MSI2: variants seen among roughly 807,000 people sequenced by gnomAD.
The protein encoded by MSI2 is musashi RNA binding protein 2.
A neutral mutation model predicts 45.6 loss-of-function variants in MSI2; 17 were observed. The observed-to-expected ratio is 0.37, with a 90% CI of 0.26 to 0.56. MSI2 has a LOEUF of 0.56. MSI2 is among the 20% of genes least tolerant of loss of function. The pLI is 0.77. For synonymous variants in MSI2, 156 were observed against 158.2 expected (o/e 0.99, Z 0.11); for missense variants, 293 against 444.2 (o/e 0.66, Z 3.06).
chr17:57,553,651 C>A (rs1465814141), intron 7 of MSI2, among the ~76,000 whole-genome samples: 1 of 152,194 alleles, frequency 6.6e-6, no homozygotes, highest in African/African-American at 2.4e-5. Context: ...TCCTTCGATT[C>A]TCATCGCGGA....
chr17:57,688,955 C>T (rs1452460490), downstream of MSI2, among the ~76,000 whole-genome samples: 1 of 152,218 alleles, frequency 6.6e-6, no homozygotes, highest in Non-Finnish European at 1.5e-5. Context: ...CTGGGATCCA[C>T]ATTCCAGTAA....
chr17:57,415,770 C>T (rs9904910), intron 6 of MSI2, among the ~76,000 whole-genome samples: 6,262 of 152,098 alleles, frequency 0.041, 418 homozygotes, highest in African/African-American at 0.14. Context: ...GCCAAATGGA[C>T]GGTTTTTGGA....
At chr17:57,593,013 G>A (rs1270918059) in intron 7 of MSI2, among the ~76,000 whole-genome samples, 2 of 152,218 alleles carry the variant, frequency 1.3e-5, no homozygotes, top group Admixed American at 1.3e-4. Context: ...CTAGGATCAA[G>A]TGTGGATCTT....
intron 5 of MSI2, among the ~76,000 whole-genome samples, 175 bp from the exon 6 acceptor site, chr17:57,401,204 G>A (rs1567802461): frequency 6.6e-6 from 1 of 152,180 alleles, no homozygotes; most frequent in South Asian, 2.1e-4. Context: ...CCTGAGATAT[G>A]CAGAGTGACT....
chr17:57,293,590 T>G (rs1910635627), intron 5 of MSI2, among the ~76,000 whole-genome samples: 1 of 58,038 alleles, frequency 1.7e-5, no homozygotes, highest in Non-Finnish European at 4.2e-5. Context: ...CTTTATTGTT[T>G]TTTTGTTTTT....
At chr17:57,527,683 G>A (rs2086733544) in intron 6 of MSI2, among the ~76,000 whole-genome samples, 3 of 152,216 alleles carry the variant, frequency 2.0e-5, no homozygotes, top group Admixed American at 2.0e-4. Context: ...TGTTTGTTCA[G>A]GCTTGGTTGC....
intron 7 of MSI2, among the ~76,000 whole-genome samples, chr17:57,566,156 C>G (rs2087726640): frequency 6.6e-6 from 1 of 152,112 alleles, no homozygotes; most frequent in African/African-American, 2.4e-5. Flanking sequence ...CCTTCAGACC[C>G]AGAGCTTGTG....
At chr17:57,350,033 G>A (rs1217938052) in intron 5 of MSI2, among the ~76,000 whole-genome samples, 1 of 152,188 alleles carries the variant, frequency 6.6e-6, no homozygotes, top group African/African-American at 2.4e-5. Flanking sequence ...GTCATCTGAT[G>A]GGTTCTTGCT....
intron 6 of MSI2, among the ~76,000 whole-genome samples, chr17:57,415,232 C>T (rs1235036028): frequency 6.6e-6 from 1 of 152,128 alleles, no homozygotes; most frequent in African/African-American, 2.4e-5. Context: ...AAAATGGGTC[C>T]AACAACATTA....
chr17:57,687,042 C>T (rs1913899230), downstream of MSI2, among the ~76,000 whole-genome samples: 1 of 147,960 alleles, frequency 6.8e-6, no homozygotes, highest in East Asian at 2.0e-4. Context: ...AAATAATTAA[C>T]ATGTGGCTAT....
chr17:57,361,388 C>T (rs1310514817), intron 5 of MSI2, among the ~76,000 whole-genome samples: 2 of 151,770 alleles, frequency 1.3e-5, no homozygotes, highest in Non-Finnish European at 2.9e-5. Context: ...ATGGACTGAG[C>T]TCAGAAGTTC....
chr17:57,402,176 T>C (rs539289259), intron 6 of MSI2, among the ~76,000 whole-genome samples: 24 of 152,056 alleles, frequency 1.6e-4, no homozygotes, highest in Non-Finnish European at 2.8e-4. Context: ...TTCTAGTGGG[T>C]GAAGGGAGAT....
intron 6 of MSI2, among the ~76,000 whole-genome samples, chr17:57,507,245 G>A (rs918156664): frequency 1.5e-4 from 22 of 147,158 alleles, no homozygotes; most frequent in Admixed American, 2.0e-4. Context: ...GTGTGTGTGT[G>A]TGTGTGTGTG....
chr17:57,697,288 T>A, the MSI2 span, among the ~76,000 whole-genome samples: 1 of 150,456 alleles, frequency 6.6e-6, no homozygotes, highest in Non-Finnish European at 1.5e-5. Flanking sequence ...CCTCACACAC[T>A]CTACACACTC....
chr17:57,626,990 A>G (rs763049285), intron 9 of MSI2: 5 of 589,792 alleles, frequency 8.5e-6, no homozygotes, highest in Non-Finnish European at 1.5e-5. Context: ...AGGAAAGTAC[A>G]TGGGCTTTGC....
At chr17:57,595,019 C>A (rs1163455395) in intron 7 of MSI2, among the ~76,000 whole-genome samples, 2 of 152,150 alleles carry the variant, frequency 1.3e-5, no homozygotes, top group African/African-American at 4.8e-5. Context: ...GGTTTGAGAG[C>A]AGATAGTAGC....
chr17:57,444,012 G>A (rs2084849772), intron 6 of MSI2, among the ~76,000 whole-genome samples: 2 of 152,182 alleles, frequency 1.3e-5, no homozygotes, highest in African/African-American at 4.8e-5. Context: ...TTGGTTTGGG[G>A]TGGATGGGGG....
chr17:57,697,988 C>G, the MSI2 span, among the ~76,000 whole-genome samples: 4 of 152,282 alleles, frequency 2.6e-5, no homozygotes, highest in South Asian at 8.3e-4. Context: ...TCACTGCCTC[C>G]CACACTCACG....
intron 10 of MSI2, among the ~76,000 whole-genome samples, chr17:57,640,787 T>C (rs993521640): frequency 3.3e-5 from 5 of 152,222 alleles, no homozygotes; most frequent in Non-Finnish European, 5.9e-5. Context: ...TGTGGTGTTA[T>C]AGCAAGGACT....
Sources: gnomAD v4.1 joint callset for allele counts (sites outside exome capture counted in the v4.1 genomes callset) on GRCh38, gnomAD v4.1.1 for gene constraint, MANE v1.5 for transcripts, NCBI Gene and HGNC (gene_info 2026-07-23, HGNC 2026-07-21) for gene names.